The following RASA3 variants were observed in gnomAD, a reference collection of about 807,000 sequenced individuals.
RASA3 encodes ras GTPase-activating protein 3.
Under a neutral mutation model 110.0 loss-of-function variants are expected in RASA3, and 73 were observed. The ratio of observed to expected loss-of-function variants is 0.66; its 90% confidence interval spans 0.55 to 0.81. The LOEUF (loss-of-function observed/expected upper bound fraction) is 0.81, where lower values mean the gene tolerates loss of function less well. Ranked by LOEUF, RASA3 falls within the 30% of genes least tolerant of loss-of-function variation. The probability of loss-of-function intolerance (pLI) is 0.00; values close to 1 mark genes in which losing one functional copy is unlikely to be tolerated. For missense variants in RASA3, 976 were observed against 1,113.2 expected (o/e 0.88, Z 1.75); for synonymous variants, 500 against 451.4 (o/e 1.11, Z -1.37).
chr13:113,980,064 TCCTCCCATGTGTGTGCACCA>T (rs1376481135), intron 23 of RASA3, among the ~76,000 whole-genome samples: 1 of 130,396 alleles, frequency 7.7e-6, no homozygotes, highest in Non-Finnish European at 1.6e-5. Context: ...TGTGTGCACC[TCCTCCCATGTGTGTGCACCA>T]CCTCCCACGT....
Position 114,014,590 on chromosome 13 carries a change from G to A in RASA3, c.1405+619C>T, listed in dbSNP as rs1187752201. On this transcript the variant is annotated intron_variant, in intron 14 of 23. Transcript: ENST00000334062. This position sits in a 1 kb window ranked among gnomAD's most constrained non-coding sequence, Gnocchi z 4.5. The stretch of plus-strand genomic sequence containing the variant: ...GAGTCCTGGCGGGGTCTTGAGTATC[G>A]CAGGTGATGGGTGGGTGCAGGCACC... Among the ~76,000 whole-genome samples, 6 of 152,158 alleles carry A rather than the reference G, an allele frequency of 3.9e-5. No individual in the cohort carries two copies. The highest frequency in any genetic ancestry group is 7.4e-5 in the Non-Finnish European group (5 of 68,026).
intron 9 of RASA3, 53 bp downstream of exon 9, chr13:114,021,350 GT>G: frequency 6.6e-7 from 1 of 1,509,096 alleles, no homozygotes; most frequent in Non-Finnish European, 9.2e-7. Flanking sequence ...GAGGCAGCAC[GT>G]GTTTTTGTGG....
chr13:114,104,408 A>G (rs2080106219), intron 1 of RASA3, among the ~76,000 whole-genome samples: 2 of 151,636 alleles, frequency 1.3e-5, no homozygotes, highest in Non-Finnish European at 2.9e-5. Flanking sequence ...GCGGCCTGAG[A>G]TGCCACCACA....
At position 114,096,431 on chromosome 13, in the gene RASA3, G is replaced by A. The variant is rs1221002149; in HGVS notation, c.56-22594C>T. 6.6e-6 allele frequency among the ~76,000 whole-genome samples: 1 copy of A among 152,064 alleles called. No individual in the cohort carries two copies. Among genetic ancestry groups the A allele is most frequent in the Non-Finnish European group, 1.5e-5 (1 of 67,990 alleles). ...CCTGTGCATTGCCCATCTGTGAGCC[G>A]ACCTCCTGCCTGAAGCCACCTTCTC... On this transcript the variant is annotated intron_variant, in intron 1 of 23. Transcript: ENST00000334062. This position sits in a 1 kb window ranked among gnomAD's most constrained non-coding sequence, Gnocchi z 5.1.
chr13:114,016,807 G>T (rs983466721), intron 12 of RASA3, among the ~76,000 whole-genome samples: 2 of 152,136 alleles, frequency 1.3e-5, no homozygotes, highest in African/African-American at 2.4e-5. Flanking sequence ...GCTCATAAAC[G>T]GGGGGCACAG....
chr13:114,093,159 C>T (rs1481498063), intron 1 of RASA3, among the ~76,000 whole-genome samples: 1 of 152,166 alleles, frequency 6.6e-6, no homozygotes, highest in Non-Finnish European at 1.5e-5. Context: ...GGTTTACACA[C>T]CATAATTACA....
At chr13:114,124,459 G>C (rs1050213958) in intron 1 of RASA3, among the ~76,000 whole-genome samples, 7 of 152,252 alleles carry the variant, frequency 4.6e-5, no homozygotes, top group African/African-American at 1.7e-4. Context: ...CCCGACGAGG[G>C]CGTTCCCGGG....
At chr13:114,047,677 G>C (rs2079075260) in intron 3 of RASA3, among the ~76,000 whole-genome samples, 1 of 152,280 alleles carries the variant, frequency 6.6e-6, no homozygotes, top group African/African-American at 2.4e-5. Flanking sequence ...CGGCTGAGCT[G>C]TGTCTGTATG....
chr13:114,132,573 C>T lies in RASA3; in HGVS notation c.-84G>A, dbSNP rs2080537951. On this transcript the variant is annotated 5_prime_UTR_variant, in exon 1 of 24. Transcript: ENST00000334062. The stretch of plus-strand genomic sequence containing the variant: ...AGGCCGAGCAGGAGGAGCGGCGGCG[C>T]CGGAGCCCCGAGCGCGGCCGAGGGT... 1.7e-6 allele frequency: 2 copies of T among 1,171,824 alleles called. No individual in the cohort carries two copies. Among genetic ancestry groups the T allele is most frequent in the African/African-American group, 1.6e-5 (1 of 62,116 alleles). 72.6% of individuals were successfully genotyped at this position (1,171,824 alleles called of 1,614,324 possible). A position where few individuals can be genotyped will look rare whatever the true frequency, so the allele number is the denominator to read the frequency against.
chr13:114,040,098 G>A (rs1179748601), intron 4 of RASA3, among the ~76,000 whole-genome samples: 1 of 152,234 alleles, frequency 6.6e-6, no homozygotes, highest in Non-Finnish European at 1.5e-5. Flanking sequence ...CTTTCCCACC[G>A]TGTTTGTTTT....
chr13:114,109,422 A>G (rs1008449359), intron 1 of RASA3, among the ~76,000 whole-genome samples: 61 of 152,038 alleles, frequency 4.0e-4, no homozygotes, highest in African/African-American at 1.4e-3. Flanking sequence ...CTCCACTCCA[A>G]TCCACACCCC....
Position 114,096,228 on chromosome 13 carries a change from G to A in RASA3, c.56-22391C>T, listed in dbSNP as rs147835822. Among the ~76,000 whole-genome samples the A allele has an allele frequency of 1.1e-4, 16 of 152,262 alleles. No homozygotes were observed. Among genetic ancestry groups the A allele is most frequent in the Admixed American group, 8.5e-4 (13 of 15,302 alleles). ...GGAAGGGAGTGCGCAGGCCCACCCC[G>A]GCGTGCTGCCTGGGAGTCCACGTTC... On this transcript the variant is annotated intron_variant, in intron 1 of 23. Coordinates refer to ENST00000334062, the MANE Select transcript of RASA3 (RefSeq NM_007368.4). This position sits in a 1 kb window ranked among gnomAD's most constrained non-coding sequence, Gnocchi z 5.1.
chr13:114,039,838 C>T (rs556328834), intron 4 of RASA3, among the ~76,000 whole-genome samples: 1 of 152,232 alleles, frequency 6.6e-6, no homozygotes, highest in Non-Finnish European at 1.5e-5. Context: ...CAAGCTCCCC[C>T]CACTGGACAG....
chr13:114,113,688 AGC>A (rs2080245772), intron 1 of RASA3, among the ~76,000 whole-genome samples: 2 of 83,938 alleles, frequency 2.4e-5, no homozygotes, highest in Non-Finnish European at 4.6e-5. Flanking sequence ...ATGTCCGTAC[AGC>A]TCACACCGCG....
chr13:114,119,888 C>T (rs1466271735), intron 1 of RASA3, among the ~76,000 whole-genome samples: 1 of 73,136 alleles, frequency 1.4e-5, no homozygotes, highest in Non-Finnish European at 3.0e-5. Context: ...TCCAGCCAGG[C>T]GTCGATCAGG....
At chr13:114,074,772 C>A (rs1345590696) in intron 1 of RASA3, among the ~76,000 whole-genome samples, 2 of 152,218 alleles carry the variant, frequency 1.3e-5, no homozygotes, top group African/African-American at 4.8e-5. Context: ...AGAAAACGCC[C>A]GTGATCCCGG....
At chr13:114,038,238 A>G (rs1408813250) in intron 4 of RASA3, among the ~76,000 whole-genome samples, 1 of 152,220 alleles carries the variant, frequency 6.6e-6, no homozygotes, top group Non-Finnish European at 1.5e-5. Flanking sequence ...AGAGCTGGGG[A>G]ACTCGCCGAC....
chr13:113,990,210 T>C lies in RASA3; in HGVS notation c.2245+2275A>G, dbSNP rs869856. On this transcript the variant is annotated intron_variant, in intron 22 of 23. Coordinates refer to ENST00000334062, the MANE Select transcript of RASA3 (RefSeq NM_007368.4). ...GCCTGCAGAACTGTGAGTCAATCAATCTTCTTTTCTTTATAGCAACATGAG... is the reference window on the plus strand; with the variant it reads ...GCCTGCAGAACTGTGAGTCAATCAACCTTCTTTTCTTTATAGCAACATGAG... 5.8e-3 allele frequency among the ~76,000 whole-genome samples: 880 copies of C among 152,200 alleles called. 24 individuals are homozygous for C. The highest frequency in any genetic ancestry group is 0.057 in the East Asian group (295 of 5,174).
At chr13:114,013,959 TC>T (rs2053727501) in intron 14 of RASA3, among the ~76,000 whole-genome samples, 5 of 150,102 alleles carry the variant, frequency 3.3e-5, no homozygotes, top group Non-Finnish European at 7.4e-5. Flanking sequence ...TCTGTCTCTC[TC>T]TCTCTCTCTC....
Sources: gnomAD v4.1 joint callset for allele counts (sites outside exome capture counted in the v4.1 genomes callset) on GRCh38, gnomAD v4.1.1 for gene constraint, Gnocchi (gnomAD v3.1) non-coding constraint, MANE v1.5 for transcripts, NCBI Gene and HGNC (gene_info 2026-07-23, HGNC 2026-07-21) for gene names.